The following MYLK3 variants were observed in gnomAD, a reference collection of about 807,000 sequenced individuals.
MYLK3 encodes the protein MLC kinase.
MYLK3 carries 55 observed loss-of-function variants against 76.3 expected under a neutral mutation model. That is an observed-to-expected ratio of 0.72 (90% confidence interval 0.58 to 0.90). The LOEUF (loss-of-function observed/expected upper bound fraction) is 0.90, where lower values mean the gene tolerates loss of function less well. MYLK3 is among the 40% of genes least tolerant of loss of function. The pLI is 0.00. For synonymous variants in MYLK3, 416 were observed against 425.4 expected, an observed-to-expected ratio of 0.98 and a Z score of 0.27; for missense variants, 973 against 1,053.6, an observed-to-expected ratio of 0.92 and a Z score of 1.06.
At chr16:46,733,099 C>T (rs183672768) in intron 3 of MYLK3, among the ~76,000 whole-genome samples, 2 of 152,356 alleles carry the variant, frequency 1.3e-5, no homozygotes, top group East Asian at 3.9e-4. Context: ...CAGTGGCTCA[C>T]ACCTGTAATC....
chr16:46,730,786 T>C (rs1966851140), intron 4 of MYLK3, 88 bp from the exon 5 acceptor site: 1 of 1,139,522 alleles, frequency 8.8e-7, no homozygotes, highest in Non-Finnish European at 1.3e-6. Context: ...TAGCTTCTCT[T>C]GGTCCACCAG....
At chr16:46,742,450 ACACACACACACAC>A in intron 1 of MYLK3, among the ~76,000 whole-genome samples, 1 of 91,420 alleles carries the variant, frequency 1.1e-5, no homozygotes. Context: ...CAGCAAAAAC[ACACACACACACAC>A]ACACACACAC....
chr16:46,711,711 T>C (rs1048772720), intron 10 of MYLK3: 2 of 388,802 alleles, frequency 5.1e-6, no homozygotes, highest in Admixed American at 6.5e-5. Context: ...GAGGGCTTTC[T>C]CTCCAGCTGA....
chr16:46,718,285 C>T (rs546871451), intron 9 of MYLK3, among the ~76,000 whole-genome samples: 1 of 152,256 alleles, frequency 6.6e-6, no homozygotes, highest in Admixed American at 6.5e-5. Flanking sequence ...AGCACATTAC[C>T]AGGGAAAATA....
At chr16:46,713,194 G>A (rs1347549733) in intron 9 of MYLK3, among the ~76,000 whole-genome samples, 2 of 119,904 alleles carry the variant, frequency 1.7e-5, no homozygotes, top group Admixed American at 1.2e-4. Flanking sequence ...TGGTATATAT[G>A]ATGCCTTTTT....
At chr16:46,734,838 C>T (rs974701916) in intron 3 of MYLK3, among the ~76,000 whole-genome samples, 2 of 152,056 alleles carry the variant, frequency 1.3e-5, no homozygotes, top group Non-Finnish European at 1.5e-5. Flanking sequence ...ACTGAGTGTA[C>T]ACTTTTAAAA....
intron 1 of MYLK3, among the ~76,000 whole-genome samples, chr16:46,760,257 T>G (rs929242703): frequency 1.3e-5 from 2 of 151,834 alleles, no homozygotes; most frequent in Non-Finnish European, 2.9e-5. Flanking sequence ...GACGAGAGGG[T>G]TTCTGGAAGT....
intron 1 of MYLK3, chr16:46,757,499 G>A: frequency 1.0e-6 from 1 of 985,454 alleles, no homozygotes; most frequent in Non-Finnish European, 1.2e-6. Flanking sequence ...GTGGGGCACA[G>A]AGTCCCCATC....
At chr16:46,751,263 T>C (rs1238086229), upstream of MYLK3, among the ~76,000 whole-genome samples, 1 of 151,702 alleles carries the variant, frequency 6.6e-6, no homozygotes, top group Non-Finnish European at 1.5e-5. Context: ...ATACAAAAAT[T>C]AGCAGGACAT....
chr16:46,737,816 T>A lies in MYLK3; in HGVS notation c.896A>T (p.Glu299Val). ...SSSRPDPEPL[E>V]EGTRLTPGPG... is the part of the protein sequence containing the mutation. ...CCCTGGAGTCAGCCTCGTGCCTTCC[T>A]CTAAGGGCTCAGGGTCAGGCCTGCT... The change falls in exon 3 of 13, where the codon GAG becomes GTG. Residue 299 changes from glutamate (E) to valine (V), a missense_variant. Transcript: ENST00000394809. The A allele has an allele frequency of 6.2e-7, 1 of 1,613,228 alleles. No homozygotes were observed. Among genetic ancestry groups the A allele is most frequent in the Non-Finnish European group, 8.5e-7 (1 of 1,180,020 alleles).
At chr16:46,723,113 C>T (rs1342612825) in intron 8 of MYLK3, among the ~76,000 whole-genome samples, 1 of 152,000 alleles carries the variant, frequency 6.6e-6, no homozygotes, top group Non-Finnish European at 1.5e-5. Context: ...AAAACAAAAC[C>T]ATACCCATCA....
chr16:46,751,475 A>G (rs540749831), upstream of MYLK3, among the ~76,000 whole-genome samples: 2 of 152,350 alleles, frequency 1.3e-5, no homozygotes, highest in East Asian at 3.9e-4. Context: ...ACAAGTTTAC[A>G]AGGTAGCTCA....
At chr16:46,720,949 T>G (rs1398272907) in intron 9 of MYLK3, among the ~76,000 whole-genome samples, 174 bp downstream of exon 9, 1 of 152,102 alleles carries the variant, frequency 6.6e-6, no homozygotes, top group East Asian at 1.9e-4. Context: ...AGCCAGCCCA[T>G]GCAAGAGCAA....
intron 3 of MYLK3, among the ~76,000 whole-genome samples, chr16:46,736,590 C>T (rs1157825679): frequency 6.6e-6 from 1 of 152,178 alleles, no homozygotes; most frequent in African/African-American, 2.4e-5. Context: ...GTTCCGATCC[C>T]GGGATGCCTG....
chr16:46,715,486 T>G (rs1334386546), intron 9 of MYLK3, among the ~76,000 whole-genome samples: 2 of 152,164 alleles, frequency 1.3e-5, no homozygotes, highest in Non-Finnish European at 2.9e-5. Flanking sequence ...GGCCATAAGG[T>G]CAAATAGGAG....
In MYLK3 at chr16:46,748,311, G is replaced by A; in HGVS notation, c.-118C>T. ...GTCCTCCGTAGCTGACAGACTCCTG[G>A]CAGCACCAACCTCCACGATGGCCTG... On this transcript the variant is annotated 5_prime_UTR_variant, in exon 1 of 13. Transcript: ENST00000394809. This position sits in a 1 kb window ranked among gnomAD's most constrained non-coding sequence, Gnocchi z 4.3. 1.4e-6 allele frequency: 2 copies of A among 1,444,010 alleles called. No individual in the cohort carries two copies. Among genetic ancestry groups the A allele is most frequent in the Non-Finnish European group, 9.1e-7 (1 of 1,102,200 alleles). 89.4% of individuals were successfully genotyped at this position (1,444,010 alleles called of 1,614,324 possible). A position where few individuals can be genotyped will look rare whatever the true frequency, so the allele number is the denominator to read the frequency against.
intron 3 of MYLK3, among the ~76,000 whole-genome samples, chr16:46,735,199 C>T (rs1238164301): frequency 1.3e-5 from 2 of 151,756 alleles, no homozygotes; most frequent in Non-Finnish European, 2.9e-5. Context: ...TGGTTTTTAC[C>T]CCTATTTATT....
intron 11 of MYLK3, 65 bp downstream of exon 11, chr16:46,710,572 T>C (rs1364218607): frequency 4.4e-6 from 7 of 1,584,406 alleles, no homozygotes; most frequent in Non-Finnish European, 4.3e-6. Flanking sequence ...TCAGCAGTCC[T>C]GCCCAGCTCC....
chr16:46,710,911 A>C (rs1966677215), intron 10 of MYLK3, 122 bp from the exon 11 acceptor site: 2 of 1,069,052 alleles, frequency 1.9e-6, no homozygotes, highest in Non-Finnish European at 1.4e-6. Flanking sequence ...TTCAAAATAA[A>C]AGCACCTCCA....
Sources: gnomAD v4.1 joint callset for allele counts (sites outside exome capture counted in the v4.1 genomes callset) on GRCh38, gnomAD v4.1.1 for gene constraint, Gnocchi (gnomAD v3.1) non-coding constraint, MANE v1.5 for transcripts, NCBI Gene and HGNC (gene_info 2026-07-23, HGNC 2026-07-21) for gene names.